LRRC32: variants seen among roughly 807,000 people sequenced by gnomAD.
The protein encoded by LRRC32 is leucine rich repeat containing 32.
Under a neutral mutation model 15.0 loss-of-function variants are expected in LRRC32, and 5 were observed. The ratio of observed to expected loss-of-function variants is 0.33; its 90% CI spans 0.17 to 0.70. The LOEUF (loss-of-function observed/expected upper bound fraction) is 0.70, where lower values mean the gene tolerates loss of function less well. Ranked by LOEUF, LRRC32 falls within the 30% of genes least tolerant of loss-of-function variation. The pLI, the probability that LRRC32 is intolerant of heterozygous loss-of-function variation, is 0.66. For synonymous variants in LRRC32, 391 were observed against 403.9 expected (o/e 0.97, Z 0.38); for missense variants, 803 against 854.2 (o/e 0.94, Z 0.75).
chr11:76,660,483 T>G lies in LRRC32; in HGVS notation c.1110A>C (p.Leu370Phe), dbSNP rs1466302041. The change falls in exon 3 of 3, where the codon TTA becomes TTC. Residue 370 changes from leucine to phenylalanine, a missense_variant. Transcript: ENST00000260061. Reference protein sequence around the residue: ...GSLPCLMLLDLSHNALETLEL... With the variant: ...GSLPCLMLLDFSHNALETLEL... Reference sequence around the variant, plus strand: ...CCAGTGTCTCCAGGGCATTGTGGCTTAAGTCAAGGAGCATCAGGCAGGGCA... The same window carrying G: ...CCAGTGTCTCCAGGGCATTGTGGCTGAAGTCAAGGAGCATCAGGCAGGGCA... 6.2e-7 allele frequency: 1 copy of G among 1,613,852 alleles called. No individual in the cohort carries two copies. The highest frequency in any genetic ancestry group is 8.5e-7 in the Non-Finnish European group (1 of 1,179,976).
rs769272632 is a variant in LRRC32, at chr11:76,665,995, C to T, written c.-4-37G>A. 3.2e-6 allele frequency: 5 copies of T among 1,585,056 alleles called. No homozygotes were observed. The African/African-American group carries it at 6.7e-5, about 21-fold the overall frequency. ...GGAGAGGAAAGGGGAACACTGTAAG[C>T]CCACTGGCTCCTTCCCACTGCCAGC... On this transcript the variant is annotated intron_variant, in intron 1 of 2. Coordinates refer to ENST00000260061, the MANE Select transcript of LRRC32 (RefSeq NM_001128922.2).
At chr11:76,661,973 A>T (rs1019503496) in intron 2 of LRRC32, among the ~76,000 whole-genome samples, 18 of 152,120 alleles carry the variant, frequency 1.2e-4, no homozygotes, top group African/African-American at 4.1e-4. Flanking sequence ...CTGGTGGTAG[A>T]TGGGAATTTC....
At chr11:76,666,551 A>C (rs768873243) in intron 1 of LRRC32, among the ~76,000 whole-genome samples, 1 of 152,250 alleles carries the variant, frequency 6.6e-6, no homozygotes, top group Non-Finnish European at 1.5e-5. Context: ...GAAGTCCCAC[A>C]GGAGGCCTGG....
chr11:76,668,627 C>T (rs913161697), intron 1 of LRRC32, among the ~76,000 whole-genome samples: 1 of 152,196 alleles, frequency 6.6e-6, no homozygotes, highest in Non-Finnish European at 1.5e-5. Context: ...TGTTTTCCCA[C>T]ATTTATCATT....
rs1381775339 is a variant in LRRC32 at position 76,660,452 on chromosome 11, C to T, written c.1141G>A (p.Gly381Ser). 6.2e-7 allele frequency: 1 copy of T among 1,613,848 alleles called. No homozygotes were observed. Among genetic ancestry groups the T allele is most frequent in the East Asian group, 2.2e-5 (1 of 44,858 alleles). Residue 381 changes from glycine (G) to serine (S), a missense_variant, in exon 3 of 3, where the codon GGC becomes AGC. Transcript: ENST00000260061. ...CGCAGAGACCCCAGGGCTCTGGCGC[C>T]CAGTTCCAGTGTCTCCAGGGCATTG... ...SHNALETLEL[G>S]ARALGSLRTL... is the part of the protein sequence containing the mutation.
chr11:76,667,164 T>C (rs1372671745), intron 1 of LRRC32, among the ~76,000 whole-genome samples: 2 of 152,234 alleles, frequency 1.3e-5, no homozygotes, highest in Non-Finnish European at 2.9e-5. Flanking sequence ...CTCAGCACTT[T>C]CTAGGCATGA....
chr11:76,667,809 T>C (rs982249161), intron 1 of LRRC32, among the ~76,000 whole-genome samples: 7 of 152,256 alleles, frequency 4.6e-5, no homozygotes, highest in African/African-American at 1.7e-4. Context: ...ACATTCTGGG[T>C]TCTGGACACC....
At chr11:76,664,631 C>G (rs1009860285) in intron 2 of LRRC32, among the ~76,000 whole-genome samples, 1 of 152,216 alleles carries the variant, frequency 6.6e-6, no homozygotes, top group African/African-American at 2.4e-5. Context: ...TGGTGGGTCA[C>G]ACATCTTCTC....
chr11:76,665,839 G>A, intron 2 of LRRC32, 32 bp downstream of exon 2: 1 of 1,613,564 alleles, frequency 6.2e-7, no homozygotes, highest in Non-Finnish European at 8.5e-7. Context: ...AGGTGGGGGT[G>A]GTCCTCACCC....
At chr11:76,667,150 T>A (rs1952639096) in intron 1 of LRRC32, among the ~76,000 whole-genome samples, 1 of 152,210 alleles carries the variant, frequency 6.6e-6, no homozygotes, top group Non-Finnish European at 1.5e-5. Flanking sequence ...CAGTAGGCCC[T>A]CTCCTCAGCA....
At position 76,659,467 on chromosome 11, in the gene LRRC32, G is replaced by A. The variant is rs762623434; in HGVS notation, c.*137C>T. 176 of 926,420 alleles carry A rather than the reference G, an allele frequency of 1.9e-4. No individual in the cohort carries two copies. Among genetic ancestry groups the A allele is most frequent in the East Asian group, 3.2e-4 (12 of 37,942 alleles). The allele number at this position is 926,420 out of a possible 1,614,324, so 57.4% of individuals were successfully genotyped here. A position where few individuals can be genotyped will look rare whatever the true frequency, so the allele number is the denominator to read the frequency against. On this transcript the variant is annotated 3_prime_UTR_variant, in exon 3 of 3. Coordinates refer to ENST00000260061, the MANE Select transcript of LRRC32 (RefSeq NM_001128922.2). ...GGGGTCACCCACTGATGCAGCAGGC[G>A]GCAGAGAAAGGTGTCCTGGGCTGTA...
At position 76,660,052 on chromosome 11, in the gene LRRC32, A is replaced by G; in HGVS notation, c.1541T>C (p.Ile514Thr). 6.2e-7 allele frequency: 1 copy of G among 1,614,152 alleles called. No individual in the cohort carries two copies. The highest frequency in any genetic ancestry group is 8.5e-7 in the Non-Finnish European group (1 of 1,180,032). ...GGCAAGATTGAGCCGCTTGAGGCAG[A>G]TGAAGCAGGGCAGGTCCACCTGCAG... Reference protein sequence around the residue: ...MVLQVDLPCFICLKRLNLAEN... With the variant: ...MVLQVDLPCFTCLKRLNLAEN... The change falls in exon 3 of 3, where the codon ATC becomes ACC. Residue 514 changes from isoleucine (I) to threonine (T), a missense_variant. Ile to Thr is a moderately conservative substitution (Grantham distance 89, BLOSUM62 -1). Transcript: ENST00000260061.
Position 76,659,670 on chromosome 11 carries a change from G to A in LRRC32, c.1923C>T (p.Leu641=), listed in dbSNP as rs776524402. ...AGCAGCAGGCGGCCAGCGTGGTGAG[G>A]AGGATGGCAGAGACCAGTATGAAGG... ...ILTFILVSAI[L]LTTLAACCCV... The change falls in exon 3 of 3, where the codon CTC becomes CTT. Residue 641 remains leucine (L), a synonymous_variant. Transcript: ENST00000260061. 4 of 1,614,236 alleles carry A rather than the reference G, an allele frequency of 2.5e-6. No homozygotes were observed. The highest frequency in any genetic ancestry group is 1.1e-5 in the South Asian group (1 of 91,080).
chr11:76,664,772 G>A (rs1952596463), intron 2 of LRRC32, among the ~76,000 whole-genome samples: 1 of 152,202 alleles, frequency 6.6e-6, no homozygotes, highest in African/African-American at 2.4e-5. Flanking sequence ...TTTCCCCTCT[G>A]AGCCTCGTCT....
At position 76,658,256 on chromosome 11, in the gene LRRC32, A is replaced by G. The variant is rs1446133930; in HGVS notation, c.*1348T>C. On this transcript the variant is annotated 3_prime_UTR_variant, in exon 3 of 3. Transcript: ENST00000260061. ...AAGCCTCAGTTTCCCCATCTGTGCA[A>G]TGGGGAGGTTGGATTCCATAGTCTC... The G allele has an allele frequency of 6.6e-6, 1 of 152,358 alleles. No individual in the cohort carries two copies. The highest frequency in any genetic ancestry group is 1.5e-5 in the Non-Finnish European group (1 of 68,094). 9.4% of individuals were successfully genotyped at this position (152,358 alleles called of 1,614,324 possible).
At chr11:76,667,917 C>T (rs1019058872) in intron 1 of LRRC32, among the ~76,000 whole-genome samples, 26 of 152,252 alleles carry the variant, frequency 1.7e-4, no homozygotes, top group African/African-American at 5.3e-4. Context: ...TCCTTGGGGT[C>T]CCAGCTTAGA....
At chr11:76,664,976 C>T (rs1952600733) in intron 2 of LRRC32, among the ~76,000 whole-genome samples, 1 of 152,244 alleles carries the variant, frequency 6.6e-6, no homozygotes. Context: ...GCTGCCGGTT[C>T]TGTGTCATAA....
intron 2 of LRRC32, among the ~76,000 whole-genome samples, chr11:76,662,334 C>T (rs537407507): frequency 1.6e-4 from 24 of 152,306 alleles, no homozygotes; most frequent in Non-Finnish European, 2.9e-4. Context: ...TGTTTTCTTA[C>T]GTTCTTCCCC....
chr11:76,664,103 G>C (rs984594009), intron 2 of LRRC32, among the ~76,000 whole-genome samples: 2 of 152,228 alleles, frequency 1.3e-5, no homozygotes, highest in African/African-American at 4.8e-5. Flanking sequence ...CCCCGGGCAA[G>C]TGCAGAGGCA....
Sources: gnomAD v4.1 joint callset for allele counts (sites outside exome capture counted in the v4.1 genomes callset) on GRCh38, gnomAD v4.1.1 for gene constraint, MANE v1.5 for transcripts, NCBI Gene and HGNC (gene_info 2026-07-23, HGNC 2026-07-21) for gene names.